Variants in ZNF106 observed in about 807,000 individuals in gnomAD.
ZNF106 encodes the protein zinc finger protein 106, also known as SH3-domain binding protein 3.
A neutral mutation model predicts 195.1 loss-of-function variants in ZNF106; 67 were observed. The observed-to-expected ratio is 0.34, with a 90% confidence interval of 0.28 to 0.42. The LOEUF (loss-of-function observed/expected upper bound fraction) is 0.42. Ranked by LOEUF, ZNF106 falls within the 10% of genes least tolerant of loss-of-function variation. The probability of loss-of-function intolerance (pLI) is 1.00; values close to 1 mark genes in which losing one functional copy is unlikely to be tolerated. For synonymous variants in ZNF106, 784 were observed against 818.6 expected (o/e 0.96, Z 0.72); for missense variants, 2,118 against 2,304.5 (o/e 0.92, Z 1.66).
chr15:42,487,933 C>T lies in ZNF106; in HGVS notation c.-33+3047G>A, dbSNP rs189358467. Among the ~76,000 whole-genome samples the T allele has an allele frequency of 2.2e-4, 33 of 152,264 alleles. No homozygotes were observed. The East Asian group carries it at 6.0e-3, about 28-fold the overall frequency. On this transcript the variant is annotated intron_variant, in intron 1 of 21. Coordinates refer to ENST00000564754, the MANE Select transcript of ZNF106 (RefSeq NM_001366845.3). ...TTGGTTCCAGGATCCCCCTCAATAC[C>T]AAAATCTGAGAATGTTAAAGACCCT...
At chr15:42,478,846 C>G (rs1196279797) in intron 1 of ZNF106, among the ~76,000 whole-genome samples, 2 of 152,054 alleles carry the variant, frequency 1.3e-5, no homozygotes, top group Non-Finnish European at 2.9e-5. Flanking sequence ...TACCTTTTTT[C>G]TCTTCCAGCA....
intron 4 of ZNF106, among the ~76,000 whole-genome samples, chr15:42,454,009 G>C (rs1225388407): frequency 2.6e-5 from 4 of 152,184 alleles, no homozygotes; most frequent in Non-Finnish European, 5.9e-5. Flanking sequence ...ACTCCAGCCA[G>C]AGTCTATACT....
chr15:42,460,717 G>A (rs745470921), intron 3 of ZNF106, among the ~76,000 whole-genome samples: 3 of 152,030 alleles, frequency 2.0e-5, no homozygotes, highest in Non-Finnish European at 2.9e-5. Context: ...AAAATTAGCC[G>A]GGTGTGGTGG....
chr15:42,472,776 C>T (rs533571772), intron 1 of ZNF106, among the ~76,000 whole-genome samples: 3 of 152,182 alleles, frequency 2.0e-5, no homozygotes, highest in Non-Finnish European at 4.4e-5. Context: ...TTTTGGGAGG[C>T]CGACGCGGGC....
At chr15:42,431,951 TA>T (rs750100952) in intron 14 of ZNF106, among the ~76,000 whole-genome samples, 2 of 152,204 alleles carry the variant, frequency 1.3e-5, no homozygotes, top group South Asian at 2.1e-4. Context: ...CATGGTTTTT[TA>T]TTTAGTAGTC....
chr15:42,434,768 CTTTT>C (rs536454605), intron 14 of ZNF106, among the ~76,000 whole-genome samples: 2 of 134,810 alleles, frequency 1.5e-5, no homozygotes, highest in East Asian at 2.1e-4. Context: ...ACATTTTGCT[CTTTT>C]TTTTTTTTTT....
chr15:42,434,447 T>C (rs905318905), intron 14 of ZNF106, among the ~76,000 whole-genome samples: 2 of 152,194 alleles, frequency 1.3e-5, no homozygotes, highest in African/African-American at 4.8e-5. Flanking sequence ...CCTCTAGGGA[T>C]TATATTTTTA....
At chr15:42,449,212 G>A (rs915452224) in intron 5 of ZNF106, among the ~76,000 whole-genome samples, 5 of 152,130 alleles carry the variant, frequency 3.3e-5, no homozygotes, top group Non-Finnish European at 5.9e-5. Context: ...GCAAACTTAC[G>A]TTGAACACTG....
intron 9 of ZNF106, 52 bp from the exon 10 acceptor site, chr15:42,442,466 T>A: frequency 6.9e-7 from 1 of 1,455,986 alleles, no homozygotes; most frequent in South Asian, 1.3e-5. Context: ...ATCTGAAAAG[T>A]CATTTGTGTC....
intron 20 of ZNF106, 81 bp from the exon 21 acceptor site, chr15:42,418,032 T>C: frequency 7.1e-7 from 1 of 1,410,076 alleles, no homozygotes; most frequent in Non-Finnish European, 9.4e-7. Flanking sequence ...CTGGATCCCA[T>C]AAGCACTATG....
chr15:42,431,727 G>A (rs2055053169), intron 14 of ZNF106, among the ~76,000 whole-genome samples: 4 of 152,108 alleles, frequency 2.6e-5, no homozygotes, highest in Admixed American at 2.6e-4. Flanking sequence ...GCCCACCTTG[G>A]CCTCCCAAAG....
intron 17 of ZNF106, among the ~76,000 whole-genome samples, chr15:42,423,089 C>T (rs762751097): frequency 6.6e-6 from 1 of 151,742 alleles, no homozygotes; most frequent in African/African-American, 2.4e-5. Context: ...TCTCACAGGC[C>T]GGGCACAGTG....
chr15:42,442,313 G>GCA lies in ZNF106; in HGVS notation c.3521_3522dup (p.Pro1175CysfsTer28). 1 of 1,614,216 alleles carries GCA rather than the reference G, an allele frequency of 6.2e-7. No homozygotes were observed. Among genetic ancestry groups the GCA allele is most frequent in the Non-Finnish European group, 8.5e-7 (1 of 1,180,044 alleles). Reference sequence around the variant, plus strand: ...AGAAAAAGTGGGAAAAAGGGAGTGGGCAGCAGTGCGGCATCAATGGATGTT... The same window carrying GCA: ...AGAAAAAGTGGGAAAAAGGGAGTGGGCACAGCAGTGCGGCATCAATGGATGTT... On this transcript the variant is annotated frameshift_variant, in exon 10 of 22. Transcript: ENST00000564754. LOFTEE classifies it high-confidence loss of function.
At chr15:42,462,275 C>T (rs1250713231) in intron 3 of ZNF106, among the ~76,000 whole-genome samples, 1 of 152,148 alleles carries the variant, frequency 6.6e-6, no homozygotes, top group Non-Finnish European at 1.5e-5. Flanking sequence ...ATTAAGTTAA[C>T]ATCACAAAAC....
At chr15:42,422,028 AC>A (rs1399580021) in intron 18 of ZNF106, 40 bp from the exon 19 acceptor site, 1 of 1,540,612 alleles carries the variant, frequency 6.5e-7, no homozygotes, top group Non-Finnish European at 8.8e-7. Context: ...AGTTATTTAT[AC>A]CTTGCGTTTA....
Position 42,413,972 on chromosome 15 carries a change from C to T in ZNF106, c.*3332G>A, listed in dbSNP as rs188886530. 1 of 152,310 alleles carries T rather than the reference C, an allele frequency of 6.6e-6. No individual in the cohort carries two copies. Among genetic ancestry groups the T allele is most frequent in the Admixed American group, 6.5e-5 (1 of 15,304 alleles). 9.4% of individuals were successfully genotyped at this position (152,310 alleles called of 1,614,324 possible). On this transcript the variant is annotated 3_prime_UTR_variant, in exon 22 of 22. Coordinates refer to ENST00000564754, the MANE Select transcript of ZNF106 (RefSeq NM_001366845.3). ...TGAAGTGACTGATACTTTATCACAA[C>T]GAACTGCCATTTAAACACTAGCATA...
chr15:42,462,040 T>C (rs889531638), intron 3 of ZNF106, among the ~76,000 whole-genome samples: 4 of 152,218 alleles, frequency 2.6e-5, no homozygotes, highest in Non-Finnish European at 5.9e-5. Flanking sequence ...ATATCCAATA[T>C]GTGAGTAAAT....
chr15:42,420,915 G>C lies in ZNF106; in HGVS notation c.5517+146C>G. On this transcript the variant is annotated intron_variant, in intron 20 of 21. Transcript: ENST00000564754. ...TATAATAAAACAAAACCACCACCGAGGAGACAACCTGTGATCTACAGTGTA... is the reference window on the plus strand; with the variant it reads ...TATAATAAAACAAAACCACCACCGACGAGACAACCTGTGATCTACAGTGTA... 6 of 683,590 alleles carry C rather than the reference G, an allele frequency of 8.8e-6. No homozygotes were observed. The South Asian group carries it at 1.2e-4, about 13-fold the overall frequency. 42.3% of individuals were successfully genotyped at this position (683,590 alleles called of 1,614,324 possible).
At chr15:42,475,334 C>T (rs1306852821) in intron 1 of ZNF106, among the ~76,000 whole-genome samples, 2 of 151,932 alleles carry the variant, frequency 1.3e-5, no homozygotes, top group African/African-American at 4.8e-5. Flanking sequence ...CCCAGCTACT[C>T]GGGAGGCTGA....
Sources: gnomAD v4.1 joint callset for allele counts (sites outside exome capture counted in the v4.1 genomes callset) on GRCh38, gnomAD v4.1.1 for gene constraint, MANE v1.5 for transcripts, NCBI Gene and HGNC (gene_info 2026-07-23, HGNC 2026-07-21) for gene names.